PGGHG: variants seen among roughly 807,000 people sequenced by gnomAD.
PGGHG encodes the protein ATH1, acid trehalase-like 1.
A neutral mutation model predicts 74.5 loss-of-function variants in PGGHG; 67 were observed. That is an observed-to-expected ratio of 0.90 (90% CI 0.74 to 1.10). The LOEUF is 1.10. Among genes scored for constraint, PGGHG ranks in the 50% least tolerant of loss-of-function variants. The pLI, the probability that PGGHG is intolerant of heterozygous loss-of-function variation, is 0.00. For missense variants in PGGHG, 1,034 were observed against 981.5 expected (o/e 1.05, Z -0.72); for synonymous variants, 496 against 419.9 (o/e 1.18, Z -2.21).
chr11:292,021 G>T lies in PGGHG; in HGVS notation c.952G>T (p.Ala318Ser), dbSNP rs200801270. Residue 318 changes from alanine to serine, a missense_variant, in exon 5 of 14, where the codon GCC (alanine) becomes TCC (serine). Coordinates refer to ENST00000409548, the MANE Select transcript of PGGHG (RefSeq NM_025092.5). Reference sequence around the variant, plus strand: ...TATCCTGATGTTCCACCCAGAAGCCGCCAGGGCCATCCTGGAGTACCGCAT... The same window carrying T: ...TATCCTGATGTTCCACCCAGAAGCCTCCAGGGCCATCCTGGAGTACCGCAT... ...PSILMFHPEA[A>S]RAILEYRIRT... The T allele has an allele frequency of 2.2e-5, 35 of 1,608,416 alleles. No homozygotes were observed. The highest frequency in any genetic ancestry group is 1.6e-4 in the Middle Eastern group (1 of 6,078).
rs72636978 is a variant in PGGHG at position 290,918 on chromosome 11, G to A, written c.711G>A (p.Gln237=). The A allele has an allele frequency of 0.083, 134,533 of 1,612,828 alleles. 8,967 individuals carry two copies. Among genetic ancestry groups the A allele is most frequent in the East Asian group, 0.29 (12,976 of 44,864 alleles). The change falls in exon 4 of 14, where the codon CAG becomes CAA. Residue 237 remains glutamine, a synonymous_variant. Transcript: ENST00000409548. The part of the protein sequence containing the change: ...LYTAHAQAWA[Q]LWVECGLDVV... ...CGGCTCACGCACAGGCCTGGGCCCA[G>A]CTCTGGGTAGAATGTGGCTTGGACG...
intron 4 of PGGHG, chr11:291,412 G>A (rs1030721423): frequency 2.6e-5 from 10 of 388,830 alleles, no homozygotes; most frequent in East Asian, 1.7e-4. Context: ...GTAGTGTGGC[G>A]CTTGGAGTTT....
chr11:294,112 A>T lies in PGGHG; in HGVS notation c.1724A>T (p.Asn575Ile), dbSNP rs760816558. The T allele has an allele frequency of 6.2e-7, 1 of 1,610,342 alleles. No homozygotes were observed. Among genetic ancestry groups the T allele is most frequent in the Non-Finnish European group, 8.5e-7 (1 of 1,178,208 alleles). The change falls in exon 12 of 14, where the codon AAT (asparagine) becomes ATT (isoleucine). Residue 575 changes from asparagine (N) to isoleucine (I), a missense_variant. Transcript: ENST00000409548. ...MAEPFKVWTE[N>I]ADGSGAVNFL... ...TTGCCCCTGCAGGTGTGGACGGAGAATGCAGACGGGTCAGGCGCTGTGAAC... is the reference window on the plus strand; with the variant it reads ...TTGCCCCTGCAGGTGTGGACGGAGATTGCAGACGGGTCAGGCGCTGTGAAC...
At position 293,439 on chromosome 11, in the gene PGGHG, A is replaced by G. The variant is rs762166659; in HGVS notation, c.1417A>G (p.Lys473Glu). The change falls in exon 9 of 14, where the codon AAG becomes GAG. Residue 473 changes from lysine to glutamate, a missense_variant. Coordinates refer to ENST00000409548, the MANE Select transcript of PGGHG (RefSeq NM_025092.5). ...IPSQWLAVAD[K>E]IKVPFDVEQN... ...CAGCCAGTGGCTGGCGGTGGCTGAC[A>G]AGATCAAGGTACCCTTTGACGTGGA... 35 of 1,612,282 alleles carry G rather than the reference A, an allele frequency of 2.2e-5. No homozygotes were observed. The highest frequency in any genetic ancestry group is 2.9e-5 in the Non-Finnish European group (34 of 1,179,986).
chr11:289,573 CAG>C lies in PGGHG; in HGVS notation c.-13-230_-13-229del, dbSNP rs1414367163. 1.7e-5 allele frequency: 10 copies of C among 574,726 alleles called. No homozygotes were observed. The highest frequency in any genetic ancestry group is 1.5e-4 in the African/African-American group (8 of 53,168). 35.6% of individuals were successfully genotyped at this position (574,726 alleles called of 1,614,324 possible). A position where few individuals can be genotyped will look rare whatever the true frequency, so the allele number is the denominator to read the frequency against. ...AGGTAGCAGGAGGGAGAGACACACT[CAG>C]GGGCTCAGCTGGGTTCCTGGAGATC... On this transcript the variant is annotated intron_variant, in intron 1 of 13. Transcript: ENST00000409548. The surrounding 1 kb of genome is among the most constrained non-coding windows in gnomAD (Gnocchi z 5.6).
At chr11:291,689 C>A in intron 4 of PGGHG, 2 of 385,064 alleles carry the variant, frequency 5.2e-6, no homozygotes, top group Non-Finnish European at 4.7e-6. Flanking sequence ...GAGTCATTCA[C>A]TGCCAGCCTG....
intron 6 of PGGHG, 56 bp downstream of exon 6, chr11:292,733 C>T: frequency 3.1e-6 from 5 of 1,610,966 alleles, no homozygotes; most frequent in Non-Finnish European, 3.4e-6. Context: ...CTGGTGTAGC[C>T]CCCACTCCTC....
rs368564028 is a variant in PGGHG, at chr11:293,666, G to T, written c.1553G>T (p.Arg518Leu). 38 of 1,613,264 alleles carry T rather than the reference G, an allele frequency of 2.4e-5. No homozygotes were observed. The East Asian group carries it at 4.0e-4, about 17-fold the overall frequency. The part of the protein sequence containing the change: ...PVPFSLSPDV[R>L]RKNLEIYEAV... Reference sequence around the variant, plus strand: ...CCCTTCTCCCTGAGTCCTGATGTTCGCAGGAAAAATCTGGAGATTTACGAG... The same window carrying T: ...CCCTTCTCCCTGAGTCCTGATGTTCTCAGGAAAAATCTGGAGATTTACGAG... The change falls in exon 10 of 14, where the codon CGC (arginine) becomes CTC (leucine). Residue 518 changes from arginine (R) to leucine (L), a missense_variant. Coordinates refer to ENST00000409548, the MANE Select transcript of PGGHG (RefSeq NM_025092.5).
Position 295,104 on chromosome 11 carries a change from G to A in PGGHG, c.*355G>A, listed in dbSNP as rs766686637. ...CTCTCCTGAGAGCAGTGGTCACAGC[G>A]GCCGGCCGCTCTGCTGAGAAGGCAG... On this transcript the variant is annotated 3_prime_UTR_variant, in exon 14 of 14. Transcript: ENST00000409548. 8.6e-5 allele frequency: 17 copies of A among 198,260 alleles called. No individual in the cohort carries two copies. The highest frequency in any genetic ancestry group is 1.9e-4 in the African/African-American group (8 of 43,168). The allele number at this position is 198,260 out of a possible 1,614,324, so 12.3% of individuals were successfully genotyped here.
intron 6 of PGGHG, 25 bp from the exon 7 acceptor site, chr11:292,861 C>G: frequency 6.2e-7 from 1 of 1,613,632 alleles, no homozygotes; most frequent in South Asian, 1.1e-5. Context: ...GGGCCCTGGC[C>G]TCTGTGCCTC....
intron 5 of PGGHG, 42 bp from the exon 6 acceptor site, chr11:292,504 C>A (rs1845753781): frequency 6.2e-7 from 1 of 1,600,514 alleles, no homozygotes. Context: ...GGCCACCGCT[C>A]CCCTCCAACA....
At position 289,927 on chromosome 11, in the gene PGGHG, C is replaced by T. The variant is rs75564014; in HGVS notation, c.111C>T (p.His37=). The T allele has an allele frequency of 1.2e-5, 19 of 1,550,794 alleles. No individual in the cohort carries two copies. The highest frequency in any genetic ancestry group is 1.6e-5 in the Non-Finnish European group (18 of 1,146,918). The stretch of plus-strand genomic sequence containing the variant: ...CATACCTGGGCACACGAGTGTTTCA[C>T]GACACGCTGCACGTGAGCGGCGTGT... ...TNAYLGTRVF[H]DTLHVSGVYN... Residue 37 remains histidine (H), a synonymous_variant, in exon 2 of 14, where the codon CAC becomes CAT. Coordinates refer to ENST00000409548, the MANE Select transcript of PGGHG (RefSeq NM_025092.5). The surrounding 1 kb of genome is among the most constrained non-coding windows in gnomAD (Gnocchi z 5.6).
rs747015188 is a variant in PGGHG at position 293,931 on chromosome 11, C to T, written c.1710+6C>T. The T allele has an allele frequency of 3.6e-5, 58 of 1,607,362 alleles. No homozygotes were observed. Among genetic ancestry groups the T allele is most frequent in the East Asian group, 2.2e-5 (1 of 44,718 alleles). On this transcript the variant is annotated splice_donor_region_variant and intron_variant, in intron 11 of 13. Transcript: ENST00000409548. ...ACATGGCTGAACCCTTCAAGGTCAG[C>T]CTGGCCACACCTGCCTCCCACTGGG...
In PGGHG at chr11:290,996, G is replaced by A; in HGVS notation, c.789G>A (p.Leu263=). ...CCCTGCGTGGCTCCCTCTACTACCT[G>A]CTCAGTGCCCTGCCCCAGCCCAAGG... is the stretch of plus-strand genomic sequence containing the variant. The part of the protein sequence containing the change: ...RQALRGSLYY[L]LSALPQPKAP... Residue 263 remains leucine, a synonymous_variant, in exon 4 of 14, where the codon CTG becomes CTA. Transcript: ENST00000409548. The A allele has an allele frequency of 6.2e-7, 1 of 1,612,668 alleles. No homozygotes were observed. The highest frequency in any genetic ancestry group is 1.3e-5 in the African/African-American group (1 of 75,058).
chr11:292,811 C>T, intron 6 of PGGHG, 75 bp from the exon 7 acceptor site: 1 of 1,609,580 alleles, frequency 6.2e-7, no homozygotes, highest in East Asian at 2.2e-5. Flanking sequence ...CCAGGCCTTG[C>T]TTCTGGGCAC....
chr11:290,845 C>T lies in PGGHG; in HGVS notation c.638C>T (p.Ala213Val). The part of the protein sequence containing the change: ...AVGGSQAEAQ[A>V]CLTEALQLQA... ...GGCGGCAGCCAGGCTGAGGCTCAGG[C>T]CTGCCTCACTGAGGCCCTGCAGCTG... Residue 213 changes from alanine (A) to valine (V), a missense_variant, in exon 4 of 14, where the codon GCC (alanine) becomes GTC (valine). Coordinates refer to ENST00000409548, the MANE Select transcript of PGGHG (RefSeq NM_025092.5). The T allele has an allele frequency of 6.2e-7, 1 of 1,611,918 alleles. No homozygotes were observed. The highest frequency in any genetic ancestry group is 8.5e-7 in the Non-Finnish European group (1 of 1,179,484).
chr11:291,973 CAG>C lies in PGGHG; in HGVS notation c.907-2_907-1del, dbSNP rs1564840511. Reference sequence around the variant, plus strand: ...GCGCTAGAACGAGGGACCGTGCTCTCAGGACCTCTGGATGTTCCCGAGTATCC... The same window carrying C: ...GCGCTAGAACGAGGGACCGTGCTCTCGACCTCTGGATGTTCCCGAGTATCC... On this transcript the variant is annotated splice_acceptor_variant, in intron 4 of 13. Transcript: ENST00000409548. LOFTEE classifies it high-confidence loss of function. 1 of 1,606,962 alleles carries C rather than the reference CAG, an allele frequency of 6.2e-7. No individual in the cohort carries two copies. Among genetic ancestry groups the C allele is most frequent in the South Asian group, 1.1e-5 (1 of 90,028 alleles).
chr11:294,889 A>C lies in PGGHG; in HGVS notation c.*140A>C. ...GGGAAGGTCCATGCTGCTTGGCCTG[A>C]GTTCAAGGCTTTCTGCCTGTAGCCT... On this transcript the variant is annotated 3_prime_UTR_variant, in exon 14 of 14. Transcript: ENST00000409548. The C allele has an allele frequency of 9.4e-7, 1 of 1,067,712 alleles. No homozygotes were observed. Among genetic ancestry groups the C allele is most frequent in the Non-Finnish European group, 1.3e-6 (1 of 763,088 alleles). 66.1% of individuals were successfully genotyped at this position (1,067,712 alleles called of 1,614,324 possible).
intron 5 of PGGHG, among the ~76,000 whole-genome samples, 197 bp from the exon 6 acceptor site, chr11:292,349 A>G (rs1845747718): frequency 6.6e-6 from 1 of 152,062 alleles, no homozygotes; most frequent in African/African-American, 2.4e-5. Context: ...GCCCTGCACC[A>G]GGGTCAGCAC....
Sources: gnomAD v4.1 joint callset for allele counts (sites outside exome capture counted in the v4.1 genomes callset) on GRCh38, gnomAD v4.1.1 for gene constraint, Gnocchi (gnomAD v3.1) non-coding constraint, MANE v1.5 for transcripts, NCBI Gene and HGNC (gene_info 2026-07-23, HGNC 2026-07-21) for gene names.